The following SHB variants were observed in gnomAD, a reference collection of about 807,000 sequenced individuals.
The protein encoded by SHB is SH2 domain-containing adapter protein B.
A neutral mutation model predicts 52.3 loss-of-function variants in SHB; 20 were observed. The ratio of observed to expected loss-of-function variants is 0.38; its 90% CI spans 0.27 to 0.56. The LOEUF is 0.56. Among genes scored for constraint, SHB ranks in the 20% least tolerant of loss-of-function variants. The probability of loss-of-function intolerance (pLI) is 0.71; values close to 1 mark genes in which losing one functional copy is unlikely to be tolerated. For missense variants in SHB, 825 were observed against 723.3 expected (o/e 1.14, Z -1.61); for synonymous variants, 397 against 316.5 (o/e 1.25, Z -2.70).
At chr9:37,999,599 C>T (rs998267161) in intron 2 of SHB, among the ~76,000 whole-genome samples, 4 of 151,936 alleles carry the variant, frequency 2.6e-5, no homozygotes, top group Non-Finnish European at 4.4e-5. Context: ...AGACACCAAG[C>T]GCCGCATACT....
chr9:37,983,629 G>A (rs1197279978), intron 2 of SHB, among the ~76,000 whole-genome samples: 38 of 152,154 alleles, frequency 2.5e-4, no homozygotes, highest in Admixed American at 2.4e-3. Context: ...CTAATCATGG[G>A]GTAGCAAGCT....
At chr9:37,975,914 G>A (rs1027073612) in intron 2 of SHB, among the ~76,000 whole-genome samples, 7 of 152,242 alleles carry the variant, frequency 4.6e-5, no homozygotes, top group Non-Finnish European at 8.8e-5. Flanking sequence ...AAGCAGGAGA[G>A]GGGTGGCTTC....
intron 1 of SHB, among the ~76,000 whole-genome samples, chr9:38,061,348 C>T (rs970195960): frequency 6.6e-6 from 1 of 151,956 alleles, no homozygotes; most frequent in Non-Finnish European, 1.5e-5. Context: ...AATACATCAC[C>T]CCTACCACCA....
intron 5 of SHB, among the ~76,000 whole-genome samples, chr9:37,940,170 C>A (rs993395628): frequency 1.3e-5 from 2 of 152,242 alleles, no homozygotes; most frequent in African/African-American, 4.8e-5. Flanking sequence ...TCCACCCCCA[C>A]TGCACCAGAA....
At chr9:37,956,966 C>G (rs1461246833) in intron 3 of SHB, among the ~76,000 whole-genome samples, 4 of 152,234 alleles carry the variant, frequency 2.6e-5, no homozygotes, top group Non-Finnish European at 5.9e-5. Flanking sequence ...GCTCAATGCA[C>G]ACACAGTACT....
intron 5 of SHB, among the ~76,000 whole-genome samples, chr9:37,937,479 A>G (rs1411732052): frequency 6.6e-6 from 1 of 151,946 alleles, no homozygotes; most frequent in East Asian, 1.9e-4. Flanking sequence ...AAAAAAAAAA[A>G]GCAAAGCATT....
At chr9:38,023,574 T>C (rs527315784) in intron 1 of SHB, among the ~76,000 whole-genome samples, 69 of 152,304 alleles carry the variant, frequency 4.5e-4, no homozygotes, top group African/African-American at 1.5e-3. Context: ...GCCCCGGTGA[T>C]TACCAGGGAA....
At position 38,068,591 on chromosome 9, in the gene SHB, G is replaced by A. The variant is rs747667057; in HGVS notation, c.55C>T (p.Pro19Ser). 14 of 1,495,384 alleles carry A rather than the reference G, an allele frequency of 9.4e-6. No homozygotes were observed. Among genetic ancestry groups the A allele is most frequent in the Non-Finnish European group, 1.1e-5 (12 of 1,133,840 alleles). 92.6% of individuals were successfully genotyped at this position (1,495,384 alleles called of 1,614,324 possible). A position where few individuals can be genotyped will look rare whatever the true frequency, so the allele number is the denominator to read the frequency against. ...TAGTCTGGCCGCGGCGGCTGCGGGG[G>A]GCTCTTGGTCTTGCTGTTGCCCAAG... is the stretch of plus-strand genomic sequence containing the variant. ...FSLGNSKTKS[P>S]PQPPRPDYRE... The change falls in exon 1 of 6, where the codon CCC (proline) becomes TCC (serine). Residue 19 changes from proline (P) to serine (S), a missense_variant. Pro to Ser is a moderately conservative substitution (Grantham distance 74, BLOSUM62 -1). Transcript: ENST00000377707.
intron 5 of SHB, among the ~76,000 whole-genome samples, chr9:37,945,860 A>C (rs2117882719): frequency 6.6e-6 from 1 of 152,266 alleles, no homozygotes; most frequent in East Asian, 1.9e-4. Context: ...ATCAAAGCCC[A>C]ACTCCCCACT....
chr9:38,054,784 G>A (rs1440631822), intron 1 of SHB, among the ~76,000 whole-genome samples: 1 of 152,148 alleles, frequency 6.6e-6, no homozygotes, highest in African/African-American at 2.4e-5. Context: ...TTCAACCAAC[G>A]AGTTCCTGTG....
intron 1 of SHB, among the ~76,000 whole-genome samples, chr9:38,033,453 T>A (rs890595463): frequency 7.2e-5 from 11 of 152,052 alleles, no homozygotes; most frequent in Non-Finnish European, 2.9e-5. Flanking sequence ...CTGGTAGAAT[T>A]TGGGAAGATC....
chr9:37,938,299 G>C (rs565808992), intron 5 of SHB, among the ~76,000 whole-genome samples: 1 of 152,140 alleles, frequency 6.6e-6, no homozygotes, highest in Non-Finnish European at 1.5e-5. Flanking sequence ...CCGGGCTCCT[G>C]ATCACAGCCT....
At chr9:37,959,117 C>G (rs1267173369) in intron 3 of SHB, among the ~76,000 whole-genome samples, 1 of 152,030 alleles carries the variant, frequency 6.6e-6, no homozygotes, top group African/African-American at 2.4e-5. Flanking sequence ...GACGGGAAGA[C>G]CAGTCAGGGA....
chr9:37,938,752 C>T (rs1239384409), intron 5 of SHB, among the ~76,000 whole-genome samples: 3 of 152,224 alleles, frequency 2.0e-5, no homozygotes, highest in Admixed American at 6.5e-5. Context: ...AGACGGGAGA[C>T]GCAGCAGTCC....
chr9:37,995,792 T>C (rs537006023), intron 2 of SHB, among the ~76,000 whole-genome samples: 1 of 152,282 alleles, frequency 6.6e-6, no homozygotes, highest in African/African-American at 2.4e-5. Context: ...ATCATTCTCA[T>C]CTATTCTGCA....
chr9:38,068,753 G>A lies in SHB; in HGVS notation c.-108C>T. 2 of 357,578 alleles carry A rather than the reference G, an allele frequency of 5.6e-6. No individual in the cohort carries two copies. Among genetic ancestry groups the A allele is most frequent in the Non-Finnish European group, 8.0e-6 (2 of 250,148 alleles). 22.2% of individuals were successfully genotyped at this position (357,578 alleles called of 1,614,324 possible). On this transcript the variant is annotated 5_prime_UTR_variant, in exon 1 of 6. Coordinates refer to ENST00000377707, the MANE Select transcript of SHB (RefSeq NM_003028.3). Reference sequence around the variant, plus strand: ...CCTCGGCGCCCCGGCCCCGGCGGGGGGCGTCCGGGGCGCCCGCTCCCGACG... The same window carrying A: ...CCTCGGCGCCCCGGCCCCGGCGGGGAGCGTCCGGGGCGCCCGCTCCCGACG...
rs919813454 is a variant in SHB, at chr9:37,919,005, G to A, written c.*816C>T. The A allele has an allele frequency of 1.4e-4, 21 of 152,416 alleles. No individual in the cohort carries two copies. Among genetic ancestry groups the A allele is most frequent in the Admixed American group, 3.3e-4 (5 of 15,282 alleles). 9.4% of individuals were successfully genotyped at this position (152,416 alleles called of 1,614,324 possible). On this transcript the variant is annotated 3_prime_UTR_variant, in exon 6 of 6. Coordinates refer to ENST00000377707, the MANE Select transcript of SHB (RefSeq NM_003028.3). ...TGCTGAGGGCTGGAGCTGAGGCCTC[G>A]GCCTCCCTCCCCTCCCTGGGGCCTG...
At chr9:37,993,617 T>A (rs1002007826) in intron 2 of SHB, among the ~76,000 whole-genome samples, 2 of 151,870 alleles carry the variant, frequency 1.3e-5, no homozygotes, top group African/African-American at 4.8e-5. Context: ...AACATAAACA[T>A]TGAGTTTGTG....
At chr9:37,941,475 C>T (rs1043114878) in intron 5 of SHB, among the ~76,000 whole-genome samples, 1 of 152,202 alleles carries the variant, frequency 6.6e-6, no homozygotes, top group African/African-American at 2.4e-5. Flanking sequence ...GACCCAGAGC[C>T]ATTGTCTTCA....
Sources: allele counts gnomAD v4.1 joint callset (sites outside exome capture counted in the v4.1 genomes callset), GRCh38; gene constraint gnomAD v4.1.1; transcripts MANE v1.5; gene names NCBI Gene and HGNC (gene_info 2026-07-23, HGNC 2026-07-21).